C8orf74: variants seen among roughly 807,000 people sequenced by gnomAD.
The protein encoded by C8orf74 is uncharacterized protein C8orf74.
C8orf74 carries 29 observed loss-of-function variants against 22.2 expected under a neutral mutation model. The observed-to-expected ratio is 1.31, with a 90% CI of 0.97 to 1.78. The LOEUF (loss-of-function observed/expected upper bound fraction) is 1.78, where lower values mean the gene tolerates loss of function less well. Ranked by LOEUF, C8orf74 falls within the 40% of genes most tolerant of loss-of-function variation. The pLI, the probability that C8orf74 is intolerant of heterozygous loss-of-function variation, is 0.00. For missense variants in C8orf74, 515 were observed against 369.9 expected (o/e 1.39, Z -3.22); for synonymous variants, 255 against 163.1 (o/e 1.56, Z -4.30).
At chr8:10,686,520 C>G (rs901369411) in intron 2 of C8orf74, 2 of 152,420 alleles carry the variant, frequency 1.3e-5, no homozygotes, top group African/African-American at 2.4e-5. Flanking sequence ...TCTGCCCTGT[C>G]GTTCTCATAA....
chr8:10,697,193 C>T (rs1447711068), intron 2 of C8orf74, among the ~76,000 whole-genome samples: 1 of 152,124 alleles, frequency 6.6e-6, no homozygotes, highest in East Asian at 1.9e-4. Flanking sequence ...AATTCCAGTA[C>T]TTTAGGAGGC....
chr8:10,684,475 C>G (rs867879044), intron 2 of C8orf74, among the ~76,000 whole-genome samples: 1 of 152,166 alleles, frequency 6.6e-6, no homozygotes, highest in Middle Eastern at 3.2e-3. Context: ...CCTCTGAGCC[C>G]TAGGCAAGTG....
At chr8:10,674,569 A>G in intron 1 of C8orf74, 77 bp from the exon 2 acceptor site, 1 of 1,007,710 alleles carries the variant, frequency 9.9e-7, no homozygotes, top group Non-Finnish European at 1.3e-6. Flanking sequence ...TAGCCCCCAT[A>G]TCACACCCCG....
intron 2 of C8orf74, among the ~76,000 whole-genome samples, chr8:10,693,880 C>T (rs1799435266): frequency 6.6e-6 from 1 of 152,240 alleles, no homozygotes; most frequent in Admixed American, 6.5e-5. Flanking sequence ...CCATCCAAGG[C>T]CCTTGGGTCT....
intron 1 of C8orf74, 49 bp from the exon 2 acceptor site, chr8:10,674,597 C>G (rs1344871682): frequency 3.3e-6 from 5 of 1,500,070 alleles, no homozygotes; most frequent in Non-Finnish European, 4.5e-6. Context: ...TATATCATGC[C>G]CTGCAACCCC....
intron 2 of C8orf74, among the ~76,000 whole-genome samples, chr8:10,684,915 C>T (rs547553270): frequency 3.9e-5 from 6 of 152,266 alleles, no homozygotes; most frequent in South Asian, 4.2e-4. Context: ...GATACGTCGA[C>T]GGCCCATCTG....
At chr8:10,693,390 A>G (rs1420555228) in intron 2 of C8orf74, among the ~76,000 whole-genome samples, 1 of 152,092 alleles carries the variant, frequency 6.6e-6, no homozygotes, top group Non-Finnish European at 1.5e-5. Flanking sequence ...CCTTGTGCAG[A>G]GCTAGATATC....
chr8:10,689,167 T>TA (rs1259943995), intron 2 of C8orf74: 1 of 152,202 alleles, frequency 6.6e-6, no homozygotes, highest in African/African-American at 2.4e-5. Context: ...GGAGTGGTGA[T>TA]GGGGAAGGCA....
At position 10,700,260 on chromosome 8, in the gene C8orf74, C is replaced by T; in HGVS notation, c.674C>T (p.Ala225Val). The T allele has an allele frequency of 1.9e-6, 3 of 1,606,038 alleles. No individual in the cohort carries two copies. The highest frequency in any genetic ancestry group is 2.6e-6 in the Non-Finnish European group (3 of 1,173,806). Residue 225 changes from alanine to valine, a missense_variant, in exon 4 of 4, where the codon GCA becomes GTA. Physicochemically the swap from Ala to Val is moderately conservative, Grantham distance 64 (BLOSUM62 0). Coordinates refer to ENST00000304519, the MANE Select transcript of C8orf74 (RefSeq NM_001040032.2). Reference protein sequence around the residue: ...RQELESLICQAVHTQMELLQE... With the variant: ...RQELESLICQVVHTQMELLQE... ...GAGTTGGAGAGCCTCATCTGCCAGG[C>T]AGTCCACACCCAGATGGAGCTCCTG...
intron 2 of C8orf74, among the ~76,000 whole-genome samples, chr8:10,684,048 G>T (rs771781900): frequency 1.3e-5 from 2 of 152,274 alleles, no homozygotes; most frequent in South Asian, 4.1e-4. Context: ...CAGGAGCCCC[G>T]TGCTTCCAGG....
chr8:10,697,599 G>T lies in C8orf74; in HGVS notation c.242G>T (p.Gly81Val), dbSNP rs1188014897. 45 of 1,612,608 alleles carry T rather than the reference G, an allele frequency of 2.8e-5. No homozygotes were observed. Among genetic ancestry groups the T allele is most frequent in the Non-Finnish European group, 3.6e-5 (42 of 1,179,220 alleles). ...CTGTTCTTGGCCCCTGTGCCTACAG[G>T]CTGCTCCATTACTGAGGCTGTGACG... is the stretch of plus-strand genomic sequence containing the variant. The part of the protein sequence containing the change: ...FTEELLRETK[G>V]CSITEAVTIL... Residue 81 changes from glycine to valine, a missense_variant and splice_region_variant, in exon 3 of 4, where the codon GGC becomes GTC. By Grantham distance (109) the Gly-to-Val change is moderately radical. Transcript: ENST00000304519.
intron 2 of C8orf74, among the ~76,000 whole-genome samples, chr8:10,694,177 C>G (rs1799441271): frequency 6.6e-6 from 1 of 152,118 alleles, no homozygotes; most frequent in Admixed American, 6.5e-5. Context: ...CTGCTTGTGT[C>G]TCTCCTGCAA....
At chr8:10,697,385 C>A (rs571261595) in intron 2 of C8orf74, among the ~76,000 whole-genome samples, 1 of 152,290 alleles carries the variant, frequency 6.6e-6, no homozygotes, top group South Asian at 2.1e-4. Flanking sequence ...CAGCGAGCTG[C>A]AGCTGCAGTG....
Position 10,697,925 on chromosome 8 carries a change from C to A in C8orf74, c.568C>A (p.Arg190Ser). 2.5e-6 allele frequency: 4 copies of A among 1,595,096 alleles called. No individual in the cohort carries two copies. Among genetic ancestry groups the A allele is most frequent in the Non-Finnish European group, 3.4e-6 (4 of 1,171,052 alleles). Residue 190 changes from arginine (R) to serine (S), a missense_variant, in exon 3 of 4, where the codon CGC becomes AGC. By Grantham distance (110) the Arg-to-Ser change is moderately radical (BLOSUM62 -1). Transcript: ENST00000304519. ...ADVLLLKEAL[R>S]LERENSLQKA... ...CGTGCTGCTCCTGAAAGAGGCGCTG[C>A]GCCTGGAGCGGGAGAACTCGCTGCA...
In C8orf74 at chr8:10,700,391, A is replaced by G. The variant is rs1312327248; in HGVS notation, c.805A>G (p.Ile269Val). The G allele has an allele frequency of 4.0e-6, 3 of 744,602 alleles. No individual in the cohort carries two copies. Among genetic ancestry groups the G allele is most frequent in the African/African-American group, 2.1e-5 (1 of 46,946 alleles). 46.1% of individuals were successfully genotyped at this position (744,602 alleles called of 1,614,324 possible). A position where few individuals can be genotyped will look rare whatever the true frequency, so the allele number is the denominator to read the frequency against. The change falls in exon 4 of 4, where the codon ATC becomes GTC. Residue 269 changes from isoleucine (I) to valine (V), a missense_variant. Physicochemically the swap from Ile to Val is conservative, Grantham distance 29. Transcript: ENST00000304519. ...LNAPTPIPPP[I>V]TSHAGQEEAL... is the part of the protein sequence containing the mutation. ...CGCCCCCACCCCTATCCCGCCCCCC[A>G]TCACCAGCCACGCAGGCCAGGAGGA...
intron 2 of C8orf74, among the ~76,000 whole-genome samples, chr8:10,679,255 G>C (rs2129056528): frequency 6.6e-6 from 1 of 152,260 alleles, no homozygotes; most frequent in South Asian, 2.1e-4. Context: ...ACTGGAGTCG[G>C]CCTTTATGTT....
intron 3 of C8orf74, among the ~76,000 whole-genome samples, chr8:10,699,743 AG>A (rs1474412074): frequency 2.0e-5 from 3 of 152,208 alleles, no homozygotes; most frequent in African/African-American, 7.2e-5. Flanking sequence ...AGCTACCACT[AG>A]AACTTTGAAA....
chr8:10,679,677 G>C (rs1799106810), intron 2 of C8orf74, among the ~76,000 whole-genome samples: 2 of 152,274 alleles, frequency 1.3e-5, no homozygotes, highest in South Asian at 2.1e-4. Context: ...CTCTCTCCAG[G>C]CCACAGCCAC....
chr8:10,684,312 C>G (rs1486939822), intron 2 of C8orf74, among the ~76,000 whole-genome samples: 1 of 152,230 alleles, frequency 6.6e-6, no homozygotes, highest in African/African-American at 2.4e-5. Flanking sequence ...AGCTCTTTCA[C>G]ATGAATCATT....
Sources: allele counts gnomAD v4.1 joint callset (sites outside exome capture counted in the v4.1 genomes callset), GRCh38; gene constraint gnomAD v4.1.1; transcripts MANE v1.5; gene names NCBI Gene and HGNC (gene_info 2026-07-23, HGNC 2026-07-21).